GABARAP: variants seen among roughly 807,000 people sequenced by gnomAD.
The protein encoded by GABARAP is GABA type A receptor-associated protein.
A neutral mutation model predicts 16.7 loss-of-function variants in GABARAP; 5 were observed. That is an observed-to-expected ratio of 0.30 (90% CI 0.16 to 0.63). GABARAP has a LOEUF of 0.63. Among genes scored for constraint, GABARAP ranks in the 20% least tolerant of loss-of-function variants. The pLI, the probability that GABARAP is intolerant of heterozygous loss-of-function variation, is 0.82. For synonymous variants in GABARAP, 45 were observed against 52.7 expected, an observed-to-expected ratio of 0.85 and a Z score of 0.64; for missense variants, 84 against 146.6, an observed-to-expected ratio of 0.57 and a Z score of 2.21.
intron 1 of GABARAP, 100 bp downstream of exon 1, chr17:7,242,141 A>G: frequency 1.2e-6 from 1 of 861,252 alleles, no homozygotes; most frequent in South Asian, 1.5e-5. Flanking sequence ...ACCCCACCAC[A>G]GCCAGCAGCC....
chr17:7,240,423 G>A lies in GABARAP; in HGVS notation c.*431C>T, dbSNP rs2071763879. ...GCAACACAAGGCAAAATTCAGTTCA[G>A]CTTGGTGGTTTCCTCTTTATTGATG... On this transcript the variant is annotated 3_prime_UTR_variant, in exon 4 of 4. Transcript: ENST00000302386. 1 of 167,318 alleles carries A rather than the reference G, an allele frequency of 6.0e-6. No homozygotes were observed. Among genetic ancestry groups the A allele is most frequent in the Non-Finnish European group, 1.3e-5 (1 of 76,202 alleles). The allele number at this position is 167,318 out of a possible 1,614,324, so 10.4% of individuals were successfully genotyped here. A position where few individuals can be genotyped will look rare whatever the true frequency, so the allele number is the denominator to read the frequency against.
chr17:7,241,648 A>C lies in GABARAP; in HGVS notation c.122T>G (p.Ile41Arg). Residue 41 changes from isoleucine to arginine, a missense_variant, in exon 2 of 4, where the codon ATA becomes AGA. Coordinates refer to ENST00000302386, the MANE Select transcript of GABARAP (RefSeq NM_007278.2). ...VIVEKAPKAR[I>R]GDLDKKKYLV... ...GTATTTCTTTTTGTCCAGGTCTCCT[A>C]TCCGAGCTTTGGGAGCCTTTTCTAC... 1.2e-6 allele frequency: 2 copies of C among 1,612,264 alleles called. No homozygotes were observed. Among genetic ancestry groups the C allele is most frequent in the Non-Finnish European group, 8.5e-7 (1 of 1,178,348 alleles).
Position 7,242,230 on chromosome 17 carries a change from A to G in GABARAP, c.90+11T>C. 4 of 1,605,326 alleles carry G rather than the reference A, an allele frequency of 2.5e-6. No homozygotes were observed. Among genetic ancestry groups the G allele is most frequent in the Non-Finnish European group, 3.4e-6 (4 of 1,172,374 alleles). ...GCGTCCCGCGCCCTCGGCCCTGGCTACTGTCCTCACCGGCACCCGGTCCGG... is the reference window on the plus strand; with the variant it reads ...GCGTCCCGCGCCCTCGGCCCTGGCTGCTGTCCTCACCGGCACCCGGTCCGG... On this transcript the variant is annotated intron_variant, in intron 1 of 3. Coordinates refer to ENST00000302386, the MANE Select transcript of GABARAP (RefSeq NM_007278.2).
chr17:7,242,362 C>A lies in GABARAP; in HGVS notation c.-32G>T. The stretch of plus-strand genomic sequence containing the variant: ...GGGAACCGGGCTGGACAGGGCTGGG[C>A]TGAGGGAACCCAGGGGGGCCGGGAC... On this transcript the variant is annotated 5_prime_UTR_variant, in exon 1 of 4. Coordinates refer to ENST00000302386, the MANE Select transcript of GABARAP (RefSeq NM_007278.2). 6.4e-7 allele frequency: 1 copy of A among 1,553,542 alleles called. No homozygotes were observed. Among genetic ancestry groups the A allele is most frequent in the Non-Finnish European group, 8.9e-7 (1 of 1,126,236 alleles).
At chr17:7,241,553 C>T in intron 2 of GABARAP, 48 bp downstream of exon 2, 1 of 1,411,250 alleles carries the variant, frequency 7.1e-7, no homozygotes, top group Non-Finnish European at 1.0e-6. Flanking sequence ...GCAGAGACTG[C>T]ACTCCCACCC....
rs1333471613 is a variant in GABARAP, at chr17:7,240,375, T to G, written c.*479A>C. On this transcript the variant is annotated 3_prime_UTR_variant, in exon 4 of 4. Coordinates refer to ENST00000302386, the MANE Select transcript of GABARAP (RefSeq NM_007278.2). Reference sequence around the variant, plus strand: ...AAACCCACTGACACCTTGGAAAGACTTAAAATCAGCGGGACGAGGGGAGCA... The same window carrying G: ...AAACCCACTGACACCTTGGAAAGACGTAAAATCAGCGGGACGAGGGGAGCA... The G allele has an allele frequency of 6.3e-6, 1 of 159,320 alleles. No homozygotes were observed. The highest frequency in any genetic ancestry group is 2.4e-5 in the African/African-American group (1 of 41,450). The allele number at this position is 159,320 out of a possible 1,614,324, so 9.9% of individuals were successfully genotyped here.
At chr17:7,241,292 C>G (rs1236354599) in intron 3 of GABARAP, 50 bp downstream of exon 3, 13 of 906,762 alleles carry the variant, frequency 1.4e-5, no homozygotes, top group Non-Finnish European at 2.4e-5. Flanking sequence ...TCCCCTCACG[C>G]TCTTCCAAGA....
chr17:7,241,061 C>T (rs748088324), intron 3 of GABARAP, 142 bp from the exon 4 acceptor site: 1 of 702,130 alleles, frequency 1.4e-6, no homozygotes, highest in Non-Finnish European at 2.6e-6. Context: ...GCAGTATAAT[C>T]TCTGCAGTCC....
intron 3 of GABARAP, 28 bp from the exon 4 acceptor site, chr17:7,240,947 C>T (rs1374718266): frequency 6.5e-6 from 10 of 1,539,698 alleles, no homozygotes; most frequent in Non-Finnish European, 9.0e-6. Context: ...AACTGTTCAG[C>T]AACTGGGCTC....
Position 7,240,728 on chromosome 17 carries a change from C to A in GABARAP, c.*126G>T. 1 of 694,300 alleles carries A rather than the reference C, an allele frequency of 1.4e-6. No homozygotes were observed. 43.0% of individuals were successfully genotyped at this position (694,300 alleles called of 1,614,324 possible). On this transcript the variant is annotated 3_prime_UTR_variant, in exon 4 of 4. Coordinates refer to ENST00000302386, the MANE Select transcript of GABARAP (RefSeq NM_007278.2). ...GAGAGGCTGGAGAGAAAGCCACAAA[C>A]ATTAAGAAGTGCCGGTCCTGAATAA...
intron 1 of GABARAP, 177 bp from the exon 2 acceptor site, chr17:7,241,856 A>C: frequency 1.6e-6 from 1 of 613,652 alleles, no homozygotes; most frequent in Middle Eastern, 4.3e-4. Context: ...ACTGGAGCTC[A>C]TTTAAATATC....
intron 3 of GABARAP, 52 bp from the exon 4 acceptor site, chr17:7,240,971 C>A: frequency 8.6e-7 from 1 of 1,163,604 alleles, no homozygotes; most frequent in South Asian, 1.2e-5. Flanking sequence ...TAACTTAAAC[C>A]AACCACGACC....
chr17:7,241,061 C>A (rs748088324), intron 3 of GABARAP, 142 bp from the exon 4 acceptor site: 1 of 702,248 alleles, frequency 1.4e-6, no homozygotes. Flanking sequence ...GCAGTATAAT[C>A]TCTGCAGTCC....
rs2071766077 is a variant in GABARAP at position 7,240,655 on chromosome 17, G to A, written c.*199C>T. The stretch of plus-strand genomic sequence containing the variant: ...AGGCGGGCAGAGAAAGGGGAAGAAA[G>A]GAGAAAGGAGAGTTACAAGATGCCA... On this transcript the variant is annotated 3_prime_UTR_variant, in exon 4 of 4. Transcript: ENST00000302386. The A allele has an allele frequency of 7.2e-6, 4 of 558,816 alleles. No individual in the cohort carries two copies. The highest frequency in any genetic ancestry group is 6.1e-5 in the East Asian group (2 of 32,860). The allele number at this position is 558,816 out of a possible 1,614,324, so 34.6% of individuals were successfully genotyped here.
chr17:7,241,487 G>T (rs372527522), intron 2 of GABARAP, 27 bp from the exon 3 acceptor site: 2 of 1,378,248 alleles, frequency 1.5e-6, no homozygotes, highest in Non-Finnish European at 1.0e-6. Flanking sequence ...ATGCAAGAAA[G>T]TCACAGAGGT....
rs1290426352 is a variant in GABARAP, at chr17:7,240,775, AAGG to A, written c.*76_*78del. 5 of 903,196 alleles carry A rather than the reference AAGG, an allele frequency of 5.5e-6. No individual in the cohort carries two copies. Among genetic ancestry groups the A allele is most frequent in the Admixed American group, 1.8e-5 (1 of 54,834 alleles). The allele number at this position is 903,196 out of a possible 1,614,324, so 55.9% of individuals were successfully genotyped here. A position where few individuals can be genotyped will look rare whatever the true frequency, so the allele number is the denominator to read the frequency against. ...ATAAGGGAGGTGGTGTTTGAGCTTG[AAGG>A]AGGAGGAGGTCAAGAAAGGGGGGCC... On this transcript the variant is annotated 3_prime_UTR_variant, in exon 4 of 4. Transcript: ENST00000302386.
rs762453489 is a variant in GABARAP at position 7,241,345 on chromosome 17, G to C, written c.285C>G (p.Tyr95Ter). 28 of 1,395,280 alleles carry C rather than the reference G, an allele frequency of 2.0e-5. No individual in the cohort carries two copies. The highest frequency in any genetic ancestry group is 2.9e-5 in the Non-Finnish European group (28 of 980,986). The allele number at this position is 1,395,280 out of a possible 1,614,324, so 86.4% of individuals were successfully genotyped here. A position where few individuals can be genotyped will look rare whatever the true frequency, so the allele number is the denominator to read the frequency against. ...PPTSATMGQLYQEHHEEDFFL... is the reference protein window; with the variant it reads ...PPTSATMGQL ...CACCACTTCCCAGTCACCATACCTG[G>C]TACAGCTGACCCATTGTGGCACTGG... The change falls in exon 3 of 4, where the codon TAC becomes TAG. Residue 95 changes from tyrosine (Y) to a stop codon, truncating the protein, a stop_gained. Coordinates refer to ENST00000302386, the MANE Select transcript of GABARAP (RefSeq NM_007278.2). LOFTEE classifies it high-confidence loss of function.
chr17:7,241,914 C>G (rs896260928), intron 1 of GABARAP: 1 of 238,188 alleles, frequency 4.2e-6, no homozygotes, highest in Admixed American at 8.6e-5. Flanking sequence ...CTATCTTAAT[C>G]AGACGGAGGT....
chr17:7,242,142 G>C (rs1431252559), intron 1 of GABARAP, 99 bp downstream of exon 1: 1 of 878,964 alleles, frequency 1.1e-6, no homozygotes, highest in Non-Finnish European at 1.8e-6. Flanking sequence ...CCCCACCACA[G>C]CCAGCAGCCT....
Sources: gnomAD v4.1 joint callset for allele counts on GRCh38, gnomAD v4.1.1 for gene constraint, MANE v1.5 for transcripts, NCBI Gene and HGNC (gene_info 2026-07-23, HGNC 2026-07-21) for gene names.